The following PTPRD variants were observed in gnomAD, a reference collection of about 807,000 sequenced individuals.
PTPRD encodes the protein receptor-type tyrosine-protein phosphatase delta.
In PTPRD, 34 loss-of-function variants were observed where a neutral mutation model predicts 214.5. The observed-to-expected ratio is 0.16, with a 90% CI of 0.12 to 0.21. The LOEUF is 0.21. Ranked by LOEUF, PTPRD falls within the 10% of genes least tolerant of loss-of-function variation. PTPRD has a pLI of 1.00. For missense variants in PTPRD, 2,545 were observed against 2,398.7 expected, an observed-to-expected ratio of 1.06 and a Z score of -1.27; for synonymous variants, 1,128 against 845.7, an observed-to-expected ratio of 1.33 and a Z score of -5.79.
At chr9:9,367,670 T>A (rs1275063987) in intron 9 of PTPRD, among the ~76,000 whole-genome samples, 4 of 151,608 alleles carry the variant, frequency 2.6e-5, no homozygotes, top group Non-Finnish European at 5.9e-5. Context: ...GGGAGCTGTT[T>A]CCATCAAAAC....
chr9:10,340,430 G>A (rs146338211), intron 3 of PTPRD, among the ~76,000 whole-genome samples: 2 of 151,956 alleles, frequency 1.3e-5, no homozygotes, highest in African/African-American at 4.8e-5. Context: ...TCACACCAGT[G>A]TGAGATTATA....
intron 5 of PTPRD, among the ~76,000 whole-genome samples, chr9:9,845,237 G>C (rs1199299952): frequency 1.4e-5 from 2 of 145,598 alleles, no homozygotes; most frequent in Admixed American, 6.9e-5. Context: ...TATAGCAATA[G>C]TGATCTTAAC....
At chr9:10,189,284 C>A (rs1043431325) in intron 3 of PTPRD, among the ~76,000 whole-genome samples, 3 of 152,142 alleles carry the variant, frequency 2.0e-5, no homozygotes, top group Non-Finnish European at 4.4e-5. Flanking sequence ...CTGCTGGCTG[C>A]AGGAGGAAAC....
At chr9:8,652,051 A>C (rs1402227856) in intron 12 of PTPRD, among the ~76,000 whole-genome samples, 1 of 152,190 alleles carries the variant, frequency 6.6e-6, no homozygotes, top group Non-Finnish European at 1.5e-5. Context: ...CTTTCCAAAG[A>C]AGCACAGACA....
intron 4 of PTPRD, among the ~76,000 whole-genome samples, chr9:10,026,691 C>T (rs1001714680): frequency 1.3e-5 from 2 of 151,962 alleles, no homozygotes; most frequent in African/African-American, 4.8e-5. Context: ...CTGAACCTCC[C>T]CACAATTTCA....
chr9:9,534,661 G>A (rs1321697479), intron 8 of PTPRD, among the ~76,000 whole-genome samples: 1 of 151,970 alleles, frequency 6.6e-6, no homozygotes, highest in African/African-American at 2.4e-5. Flanking sequence ...AGTTCACTGA[G>A]TAAAGGGAAA....
At chr9:10,406,146 A>G (rs1011429999) in intron 2 of PTPRD, among the ~76,000 whole-genome samples, 23 of 151,352 alleles carry the variant, frequency 1.5e-4, no homozygotes, top group Non-Finnish European at 3.4e-4. Flanking sequence ...TCGGCTAGAG[A>G]AATATTCCTC....
chr9:9,082,030 G>T (rs1195715154), intron 10 of PTPRD, among the ~76,000 whole-genome samples: 5 of 151,896 alleles, frequency 3.3e-5, no homozygotes, highest in Non-Finnish European at 4.4e-5. Flanking sequence ...TCTACCAGAG[G>T]TACAAAGAGG....
intron 3 of PTPRD, among the ~76,000 whole-genome samples, chr9:10,325,208 G>C (rs575689884): frequency 1.7e-4 from 26 of 152,068 alleles, no homozygotes; most frequent in African/African-American, 5.8e-4. Context: ...TAAGTGTGAG[G>C]TGGGCCTAAG....
chr9:9,344,487 A>C (rs982324593), intron 9 of PTPRD, among the ~76,000 whole-genome samples: 2 of 151,798 alleles, frequency 1.3e-5, no homozygotes, highest in Admixed American at 1.3e-4. Flanking sequence ...CAGAACTTAA[A>C]GTAAAATAAA....
intron 5 of PTPRD, among the ~76,000 whole-genome samples, chr9:9,886,153 G>C (rs1014911895): frequency 6.6e-6 from 1 of 151,990 alleles, no homozygotes; most frequent in Admixed American, 6.6e-5. Context: ...ATATAGCCAA[G>C]AGACATCAGA....
chr9:10,522,651 G>C (rs879686582), intron 2 of PTPRD, among the ~76,000 whole-genome samples: 1 of 151,990 alleles, frequency 6.6e-6, no homozygotes, highest in Non-Finnish European at 1.5e-5. Context: ...GGGAAGGGTA[G>C]ACTCAACCTG....
chr9:9,789,790 CTGTCTCAAAAAAAAAAAAAAAAA>C (rs1325865284), intron 5 of PTPRD, among the ~76,000 whole-genome samples: 1 of 71,798 alleles, frequency 1.4e-5, no homozygotes, highest in Non-Finnish European at 2.4e-5. Flanking sequence ...GAGCCAAACT[CTGTCTCAAAAAAAAAAAAAAAAA>C]AAAAAAAAAA....
chr9:10,284,861 T>G (rs570509410), intron 3 of PTPRD, among the ~76,000 whole-genome samples: 23 of 152,242 alleles, frequency 1.5e-4, no homozygotes, highest in Middle Eastern at 3.4e-3. Context: ...TAAGGTCACT[T>G]AAGGAGACAG....
At chr9:9,220,694 A>G (rs903318925) in intron 9 of PTPRD, among the ~76,000 whole-genome samples, 17 of 152,090 alleles carry the variant, frequency 1.1e-4, no homozygotes, top group African/African-American at 3.9e-4. Context: ...AGCACAGTCA[A>G]CTACATTTGA....
At chr9:8,335,903 T>TAGGAGTCCAACTAACA (rs1161254159) in intron 43 of PTPRD, among the ~76,000 whole-genome samples, 2 of 149,502 alleles carry the variant, frequency 1.3e-5, no homozygotes, top group African/African-American at 4.9e-5. Context: ...ATAAAATACC[T>TAGGAGTCCAACTAACA]AGGCATGTGA....
intron 9 of PTPRD, among the ~76,000 whole-genome samples, chr9:9,354,683 A>G (rs146757760): frequency 0.015 from 2,322 of 151,906 alleles, 24 homozygotes; most frequent in Middle Eastern, 0.044. Flanking sequence ...AAAAAGTGCT[A>G]TGGAATGATA....
chr9:9,434,989 G>A (rs1373273140), intron 8 of PTPRD, among the ~76,000 whole-genome samples: 1 of 151,404 alleles, frequency 6.6e-6, no homozygotes, highest in Admixed American at 6.6e-5. Context: ...GTCATTGAAT[G>A]AATAAAATGT....
intron 5 of PTPRD, among the ~76,000 whole-genome samples, chr9:9,770,889 C>G (rs893132761): frequency 1.3e-5 from 2 of 152,074 alleles, no homozygotes; most frequent in African/African-American, 4.8e-5. Flanking sequence ...TTTACAGTTA[C>G]TGTGCTTTAA....
Sources: allele counts gnomAD v4.1 joint callset (sites outside exome capture counted in the v4.1 genomes callset), GRCh38; gene constraint gnomAD v4.1.1; transcripts MANE v1.5; gene names NCBI Gene and HGNC (gene_info 2026-07-23, HGNC 2026-07-21).